Variants in NELL1 observed in about 807,000 individuals in gnomAD.
The protein encoded by NELL1 is protein kinase C-binding protein NELL1.
NELL1 carries 76 observed loss-of-function variants against 107.4 expected under a neutral mutation model. The observed-to-expected ratio is 0.71, with a 90% CI of 0.59 to 0.86. NELL1 has a LOEUF of 0.86. NELL1 is among the 40% of genes least tolerant of loss of function. The pLI is 0.00. For missense variants in NELL1, 1,024 were observed against 1,005.5 expected (o/e 1.02, Z -0.25); for synonymous variants, 353 against 341.2 (o/e 1.03, Z -0.38).
intron 15 of NELL1, among the ~76,000 whole-genome samples, chr11:21,455,511 T>A (rs1590945642): frequency 6.6e-6 from 1 of 151,908 alleles, no homozygotes; most frequent in Admixed American, 6.6e-5. Flanking sequence ...TTTAAAATGT[T>A]TTTGTATAGA....
chr11:20,870,713 G>A (rs905785230), intron 4 of NELL1, among the ~76,000 whole-genome samples: 1 of 152,118 alleles, frequency 6.6e-6, no homozygotes, highest in Non-Finnish European at 1.5e-5. Flanking sequence ...TTAAACAGCT[G>A]GCAGTTACTA....
At chr11:21,277,599 T>C (rs1047537102) in intron 14 of NELL1, among the ~76,000 whole-genome samples, 1 of 152,176 alleles carries the variant, frequency 6.6e-6, no homozygotes, top group Non-Finnish European at 1.5e-5. Flanking sequence ...CACATGCACA[T>C]GTATGTTTAT....
chr11:20,913,314 T>C (rs577691572), intron 5 of NELL1, among the ~76,000 whole-genome samples: 1 of 152,262 alleles, frequency 6.6e-6, no homozygotes, highest in East Asian at 1.9e-4. Flanking sequence ...TTTTCTTCAA[T>C]GTAAACAGAG....
At chr11:21,149,491 T>C (rs1266262040) in intron 13 of NELL1, among the ~76,000 whole-genome samples, 2 of 152,136 alleles carry the variant, frequency 1.3e-5, no homozygotes, top group Non-Finnish European at 2.9e-5. Context: ...TATGAAACCA[T>C]CAGATGTCGT....
chr11:21,169,735 G>T, intron 13 of NELL1: 1 of 880,880 alleles, frequency 1.1e-6, no homozygotes. Context: ...AAGTAGTCAT[G>T]TGACCAGTCT....
At chr11:20,939,385 A>G (rs1850799913) in intron 10 of NELL1, among the ~76,000 whole-genome samples, 1 of 151,802 alleles carries the variant, frequency 6.6e-6, no homozygotes, top group South Asian at 2.1e-4. Context: ...GATAGAGACC[A>G]AAGAGTCCCA....
Position 21,150,361 on chromosome 11 carries a change from C to T in NELL1, c.1426+36647C>T, listed in dbSNP as rs911309726. Among the ~76,000 whole-genome samples the T allele has an allele frequency of 3.9e-5, 6 of 152,140 alleles. No homozygotes were observed. The South Asian group carries it at 1.2e-3, about 31-fold the overall frequency. On this transcript the variant is annotated intron_variant, in intron 13 of 19. Transcript: ENST00000357134. Reference sequence around the variant, plus strand: ...GGGGCAGAGGGGCTTCAGGCTCTGACCTGTTGACTGTAATGGATTCCTTGT... The same window carrying T: ...GGGGCAGAGGGGCTTCAGGCTCTGATCTGTTGACTGTAATGGATTCCTTGT...
At position 21,573,208 on chromosome 11, in the gene NELL1, A is replaced by G; in HGVS notation, c.2181A>G (p.Pro727=). 2 of 1,611,906 alleles carry G rather than the reference A, an allele frequency of 1.2e-6. No homozygotes were observed. The highest frequency in any genetic ancestry group is 1.7e-6 in the Non-Finnish European group (2 of 1,178,656). ...AGGAAGGAGAGGTAGATTGCTGGCCACTCACTTGCCCCAACTTGAGCTGTG... is the reference window on the plus strand; with the variant it reads ...AGGAAGGAGAGGTAGATTGCTGGCCGCTCACTTGCCCCAACTTGAGCTGTG... ...RCLEGEVDCW[P]LTCPNLSCEY... The change falls in exon 19 of 20, where the codon CCA becomes CCG. Residue 727 remains proline (P), a synonymous_variant. Transcript: ENST00000357134.
At chr11:21,176,601 A>G (rs1012377861) in intron 13 of NELL1, among the ~76,000 whole-genome samples, 1 of 151,814 alleles carries the variant, frequency 6.6e-6, no homozygotes, top group Non-Finnish European at 1.5e-5. Flanking sequence ...GATTCCATTG[A>G]AATTATCTCA....
chr11:21,493,252 A>G (rs1467164563), intron 15 of NELL1, among the ~76,000 whole-genome samples: 6 of 152,128 alleles, frequency 3.9e-5, no homozygotes, highest in Admixed American at 1.3e-4. Flanking sequence ...CCAAAAGAAA[A>G]TAAATCAGGA....
chr11:20,710,572 G>T (rs1448308116), intron 2 of NELL1, among the ~76,000 whole-genome samples: 1 of 152,044 alleles, frequency 6.6e-6, no homozygotes, highest in African/African-American at 2.4e-5. Flanking sequence ...AATGATTTAG[G>T]GAGAATGCCA....
intron 4 of NELL1, among the ~76,000 whole-genome samples, chr11:20,876,706 A>G (rs943438369): frequency 1.3e-5 from 2 of 152,292 alleles, no homozygotes; most frequent in South Asian, 2.1e-4. Flanking sequence ...CAGAGCTTGC[A>G]GAGCTGAGAT....
Position 21,153,201 on chromosome 11 carries a change from AT to A in NELL1, c.1426+39492del, listed in dbSNP as rs1359274134. 2.0e-5 allele frequency among the ~76,000 whole-genome samples: 3 copies of A among 152,226 alleles called. No homozygotes were observed. The East Asian group carries it at 5.8e-4, about 29-fold the overall frequency. The stretch of plus-strand genomic sequence containing the variant: ...AAAATTGCTAGTGTGTTAAATAGAC[AT>A]TTTTGATTTAACCAGATGGACCATT... On this transcript the variant is annotated intron_variant, in intron 13 of 19. Transcript: ENST00000357134.
At chr11:20,989,913 C>T (rs569129295) in intron 12 of NELL1, among the ~76,000 whole-genome samples, 5 of 151,186 alleles carry the variant, frequency 3.3e-5, no homozygotes, top group South Asian at 2.1e-4. Context: ...AGAAGAATGG[C>T]ATGAACCCGG....
chr11:20,936,067 A>T (rs952181124), intron 9 of NELL1, among the ~76,000 whole-genome samples: 1 of 152,186 alleles, frequency 6.6e-6, no homozygotes, highest in Non-Finnish European at 1.5e-5. Context: ...CTCAGGATCA[A>T]TTCTGGGATA....
At chr11:20,863,519 G>T (rs2134077458) in intron 4 of NELL1, among the ~76,000 whole-genome samples, 1 of 151,460 alleles carries the variant, frequency 6.6e-6, no homozygotes, top group African/African-American at 2.4e-5. Context: ...GTCGCGGCCG[G>T]GCAGAGGTGC....
At chr11:20,712,583 G>C (rs770478531) in intron 2 of NELL1, among the ~76,000 whole-genome samples, 1 of 152,034 alleles carries the variant, frequency 6.6e-6, no homozygotes, top group Non-Finnish European at 1.5e-5. Context: ...TACTTTTTTG[G>C]TTCCTTCTCT....
intron 12 of NELL1, among the ~76,000 whole-genome samples, chr11:20,990,973 C>T (rs974830012): frequency 1.1e-4 from 17 of 152,150 alleles, no homozygotes; most frequent in African/African-American, 3.9e-4. Flanking sequence ...CTCCTGGATT[C>T]CACAGCTCAC....
intron 4 of NELL1, among the ~76,000 whole-genome samples, chr11:20,852,190 G>T (rs1350252668): frequency 6.8e-6 from 1 of 147,860 alleles, no homozygotes; most frequent in Non-Finnish European, 1.5e-5. Context: ...AATGTGTATG[G>T]CACATACACA....
Sources: gnomAD v4.1 joint callset for allele counts (sites outside exome capture counted in the v4.1 genomes callset) on GRCh38, gnomAD v4.1.1 for gene constraint, MANE v1.5 for transcripts, NCBI Gene and HGNC (gene_info 2026-07-23, HGNC 2026-07-21) for gene names.